Variants in TSPAN18 observed in about 807,000 individuals in gnomAD.
The protein encoded by TSPAN18 is tetraspanin-18.
TSPAN18 carries 14 observed loss-of-function variants against 27.3 expected under a neutral mutation model. The observed-to-expected ratio is 0.51, with a 90% CI of 0.34 to 0.80. The LOEUF (loss-of-function observed/expected upper bound fraction) is 0.80. Ranked by LOEUF, TSPAN18 falls within the 30% of genes least tolerant of loss-of-function variation. The pLI is 0.01. For synonymous variants in TSPAN18, 143 were observed against 136.5 expected (o/e 1.05, Z -0.33); for missense variants, 268 against 323.9 (o/e 0.83, Z 1.32).
chr11:44,864,361 TG>T (rs1370822099), intron 3 of TSPAN18, among the ~76,000 whole-genome samples: 1 of 151,706 alleles, frequency 6.6e-6, no homozygotes, highest in Non-Finnish European at 1.5e-5. Context: ...GTGTTGGGGT[TG>T]GGGCTGCCTT....
chr11:44,894,279 T>G (rs569758326), intron 3 of TSPAN18, among the ~76,000 whole-genome samples: 37 of 152,268 alleles, frequency 2.4e-4, no homozygotes, highest in African/African-American at 8.7e-4. Context: ...CCCCCACTGG[T>G]GGGAACGCAG....
intron 2 of TSPAN18, among the ~76,000 whole-genome samples, chr11:44,860,081 C>T (rs543538349): frequency 2.6e-5 from 4 of 152,290 alleles, no homozygotes; most frequent in African/African-American, 4.8e-5. Flanking sequence ...GGGGTTATGA[C>T]GCTTATGTAT....
At chr11:44,775,534 A>G (rs903500140) in intron 2 of TSPAN18, among the ~76,000 whole-genome samples, 4 of 151,540 alleles carry the variant, frequency 2.6e-5, no homozygotes, top group Non-Finnish European at 5.9e-5. Context: ...GGCACGTTTC[A>G]TTGCCAGCCT....
intron 3 of TSPAN18, among the ~76,000 whole-genome samples, chr11:44,866,841 C>T (rs1858050996): frequency 6.6e-6 from 1 of 152,168 alleles, no homozygotes. Flanking sequence ...ACCAGCCGCC[C>T]CCAAGGCATA....
intron 2 of TSPAN18, among the ~76,000 whole-genome samples, chr11:44,800,916 G>A (rs572191271): frequency 1.8e-4 from 28 of 152,262 alleles, no homozygotes; most frequent in African/African-American, 6.5e-4. Context: ...GCAGGGGCCC[G>A]CCTGGGCTGC....
intron 2 of TSPAN18, among the ~76,000 whole-genome samples, chr11:44,837,665 A>G (rs1857290373): frequency 6.6e-6 from 1 of 152,116 alleles, no homozygotes; most frequent in African/African-American, 2.4e-5. Flanking sequence ...TCACCATCTT[A>G]TTTTCAGAAA....
chr11:44,929,471 G>T lies in TSPAN18; in HGVS notation c.*293G>T, dbSNP rs965767828. The T allele has an allele frequency of 2.4e-6, 1 of 423,648 alleles. No individual in the cohort carries two copies. Among genetic ancestry groups the T allele is most frequent in the African/African-American group, 2.0e-5 (1 of 49,564 alleles). The allele number at this position is 423,648 out of a possible 1,614,324, so 26.2% of individuals were successfully genotyped here. A position where few individuals can be genotyped will look rare whatever the true frequency, so the allele number is the denominator to read the frequency against. On this transcript the variant is annotated 3_prime_UTR_variant, in exon 10 of 10. Transcript: ENST00000520358. ...GCTCTAGAGACCAAAGGAACACCAG[G>T]CCCAGCGCCCTCTTTGGTCCAGCCA...
At chr11:44,770,428 C>T (rs1855665792) in intron 2 of TSPAN18, among the ~76,000 whole-genome samples, 1 of 151,992 alleles carries the variant, frequency 6.6e-6, no homozygotes, top group Non-Finnish European at 1.5e-5. Context: ...GAGGGAACAG[C>T]AAGGGTAAGG....
At chr11:44,908,591 C>T (rs150472641) in intron 4 of TSPAN18, among the ~76,000 whole-genome samples, 14 of 149,796 alleles carry the variant, frequency 9.3e-5, no homozygotes, top group African/African-American at 3.0e-4. Context: ...AAAAATTAGC[C>T]GGGTGTAGTG....
intron 2 of TSPAN18, among the ~76,000 whole-genome samples, chr11:44,805,392 G>T (rs835818): frequency 0.27 from 41,060 of 152,102 alleles, 6,292 homozygotes; most frequent in East Asian, 0.66. Context: ...CTTCCACAGA[G>T]GCATTCTCTG....
chr11:44,742,860 C>T (rs1049518704), intron 1 of TSPAN18, among the ~76,000 whole-genome samples: 12 of 152,220 alleles, frequency 7.9e-5, no homozygotes, highest in African/African-American at 2.9e-4. Context: ...TCTTATGGGC[C>T]CTGGCTGGGG....
chr11:44,816,472 G>A (rs995782371), intron 2 of TSPAN18, among the ~76,000 whole-genome samples: 1 of 152,224 alleles, frequency 6.6e-6, no homozygotes, highest in African/African-American at 2.4e-5. Flanking sequence ...AGCAGCTGAT[G>A]TGTGATGCTG....
chr11:44,769,565 T>C (rs1855644838), intron 2 of TSPAN18, among the ~76,000 whole-genome samples: 1 of 152,246 alleles, frequency 6.6e-6, no homozygotes, highest in Non-Finnish European at 1.5e-5. Context: ...TTAGATTTCT[T>C]TAATATTAAG....
intron 6 of TSPAN18, 131 bp from the exon 7 acceptor site, chr11:44,919,083 A>G: frequency 1.4e-6 from 1 of 711,662 alleles, no homozygotes; most frequent in Admixed American, 2.2e-5. Flanking sequence ...ATCCCAGGGG[A>G]CCTGGCACCA....
At chr11:44,875,481 G>A (rs1465548903) in intron 3 of TSPAN18, among the ~76,000 whole-genome samples, 2 of 152,182 alleles carry the variant, frequency 1.3e-5, no homozygotes, top group Non-Finnish European at 2.9e-5. Context: ...CTTACCTACC[G>A]ACCTTCCCTC....
chr11:44,739,810 G>A (rs1197904290), intron 1 of TSPAN18, among the ~76,000 whole-genome samples: 1 of 152,130 alleles, frequency 6.6e-6, no homozygotes, highest in African/African-American at 2.4e-5. Flanking sequence ...TTTCCAGCCT[G>A]CCTTCAGGCC....
chr11:44,757,819 T>A lies in TSPAN18; in HGVS notation c.-239-6607T>A, dbSNP rs184309390. On this transcript the variant is annotated intron_variant, in intron 1 of 9. Transcript: ENST00000520358. ...CTTTTCTGCCCATTTTTTAATTGGG[T>A]TTTTTTGTTGTTGCTGAGTTTGAGT... Among the ~76,000 whole-genome samples, 3 of 152,340 alleles carry A rather than the reference T, an allele frequency of 2.0e-5. No homozygotes were observed. The East Asian group carries it at 5.8e-4, about 29-fold the overall frequency.
At chr11:44,831,016 G>T (rs1322035925) in intron 2 of TSPAN18, among the ~76,000 whole-genome samples, 3 of 152,292 alleles carry the variant, frequency 2.0e-5, no homozygotes, top group Middle Eastern at 3.4e-3. Flanking sequence ...GGGAGGCTGA[G>T]GCAGGAGAAT....
intron 2 of TSPAN18, among the ~76,000 whole-genome samples, chr11:44,802,300 G>A (rs1431077978): frequency 2.6e-5 from 4 of 151,070 alleles, no homozygotes; most frequent in Non-Finnish European, 2.9e-5. Context: ...CCAGAGAAGC[G>A]AAGCACAAAG....
Sources: gnomAD v4.1 joint callset for allele counts (sites outside exome capture counted in the v4.1 genomes callset) on GRCh38, gnomAD v4.1.1 for gene constraint, MANE v1.5 for transcripts, NCBI Gene and HGNC (gene_info 2026-07-23, HGNC 2026-07-21) for gene names.